The following GRIK2 variants were observed in gnomAD, a reference collection of about 807,000 sequenced individuals.
GRIK2 encodes glutamate ionotropic receptor kainate type subunit 2.
GRIK2 carries 32 observed loss-of-function variants against 100.3 expected under a neutral mutation model. The ratio of observed to expected loss-of-function variants is 0.32; its 90% CI spans 0.24 to 0.43. The LOEUF (loss-of-function observed/expected upper bound fraction) is 0.43, where lower values mean the gene tolerates loss of function less well. GRIK2 is among the 20% of genes least tolerant of loss of function. GRIK2 has a pLI of 1.00. For synonymous variants in GRIK2, 417 were observed against 389.4 expected (o/e 1.07, Z -0.83); for missense variants, 843 against 1,114.9 (o/e 0.76, Z 3.47).
At chr6:101,482,298 C>T (rs1772572718) in intron 2 of GRIK2, among the ~76,000 whole-genome samples, 1 of 152,128 alleles carries the variant, frequency 6.6e-6, no homozygotes, top group Non-Finnish European at 1.5e-5. Flanking sequence ...GAGTCATGTT[C>T]CCTCTTCTTA....
At chr6:101,841,392 C>A (rs555974571) in intron 10 of GRIK2, among the ~76,000 whole-genome samples, 37 of 147,596 alleles carry the variant, frequency 2.5e-4, no homozygotes, top group Non-Finnish European at 5.0e-4. Context: ...GGTACGGTTT[C>A]TCTCTCTGTT....
chr6:101,680,878 A>G (rs987665363), intron 5 of GRIK2, among the ~76,000 whole-genome samples: 5 of 152,204 alleles, frequency 3.3e-5, no homozygotes, highest in Non-Finnish European at 7.4e-5. Flanking sequence ...ATTGGTTTAT[A>G]TAAGTATTAC....
At chr6:101,577,760 A>C (rs969771768) in intron 2 of GRIK2, among the ~76,000 whole-genome samples, 2 of 152,184 alleles carry the variant, frequency 1.3e-5, no homozygotes, top group African/African-American at 2.4e-5. Context: ...CTCTCCTTAC[A>C]TTGCGTGAAT....
chr6:101,503,868 A>G (rs1042965811), intron 2 of GRIK2, among the ~76,000 whole-genome samples: 5 of 152,148 alleles, frequency 3.3e-5, no homozygotes, highest in African/African-American at 4.8e-5. Flanking sequence ...AGCAAACAAG[A>G]TGGTGCAGCA....
intron 2 of GRIK2, among the ~76,000 whole-genome samples, chr6:101,510,203 G>T (rs1774229296): frequency 2.0e-5 from 3 of 152,126 alleles, no homozygotes; most frequent in Admixed American, 1.3e-4. Flanking sequence ...TCCATAAAAA[G>T]TGGCTTTTGT....
chr6:101,879,842 T>C (rs1261236862), intron 11 of GRIK2, among the ~76,000 whole-genome samples: 1 of 151,768 alleles, frequency 6.6e-6, no homozygotes, highest in Non-Finnish European at 1.5e-5. Context: ...CACTTTCAAA[T>C]GGAAAGTGAG....
Position 101,870,013 on chromosome 6 carries a change from TA to T in GRIK2, c.1524+10525del, listed in dbSNP as rs574909192. Among the ~76,000 whole-genome samples the T allele has an allele frequency of 6.3e-4, 96 of 152,092 alleles. 1 individual carries two copies. Among genetic ancestry groups the T allele is most frequent in the African/African-American group, 2.2e-3 (90 of 41,480 alleles). On this transcript the variant is annotated intron_variant, in intron 11 of 16. Transcript: ENST00000369134. ...CCAGTAGGTACAGGACTTATTCAACTAAAAATTCAATTATGAATTTATGTGA... is the reference window on the plus strand; with the variant it reads ...CCAGTAGGTACAGGACTTATTCAACTAAAATTCAATTATGAATTTATGTGA...
chr6:101,801,416 C>T (rs1780660824), intron 8 of GRIK2, among the ~76,000 whole-genome samples: 1 of 151,838 alleles, frequency 6.6e-6, no homozygotes, highest in South Asian at 2.1e-4. Flanking sequence ...AATTTATTAG[C>T]TGAAAACTAA....
chr6:101,587,133 A>G (rs996489985), intron 2 of GRIK2, among the ~76,000 whole-genome samples: 2 of 152,064 alleles, frequency 1.3e-5, no homozygotes, highest in African/African-American at 4.8e-5. Flanking sequence ...TTAAAAATGA[A>G]TATGAAAGAA....
At position 101,813,138 on chromosome 6, in the gene GRIK2, CAT is replaced by C. The variant is rs375149552; in HGVS notation, c.1204-5228_1204-5227del. 1.5e-4 allele frequency among the ~76,000 whole-genome samples: 23 copies of C among 151,852 alleles called. No individual in the cohort carries two copies. The East Asian group carries it at 3.1e-3, about 20-fold the overall frequency. ...CTACATAGACATATGTAAACATCCA[CAT>C]ATACACACACACACACACACATATA... On this transcript the variant is annotated intron_variant, in intron 9 of 16. Transcript: ENST00000369134.
At chr6:101,517,522 AT>A (rs59430297) in intron 2 of GRIK2, among the ~76,000 whole-genome samples, 67 of 151,498 alleles carry the variant, frequency 4.4e-4, no homozygotes, top group Middle Eastern at 6.8e-3. Context: ...GAGATAATTA[AT>A]TTTTTTTTAG....
At chr6:101,982,373 CT>C (rs1380852904) in intron 14 of GRIK2, among the ~76,000 whole-genome samples, 4 of 151,740 alleles carry the variant, frequency 2.6e-5, no homozygotes, top group Admixed American at 6.6e-5. Flanking sequence ...CAACTCTGTG[CT>C]TTTTGTATAT....
chr6:101,577,744 C>G (rs1777857888), intron 2 of GRIK2, among the ~76,000 whole-genome samples: 1 of 151,942 alleles, frequency 6.6e-6, no homozygotes, highest in African/African-American at 2.4e-5. Flanking sequence ...AAAATATTAC[C>G]CAGGTCTCTC....
rs1000621282 is a variant in GRIK2, at chr6:101,607,676, G to A, written c.116-14273G>A. On this transcript the variant is annotated intron_variant, in intron 2 of 16. Coordinates refer to ENST00000369134, the MANE Select transcript of GRIK2 (RefSeq NM_021956.5). ...GTGTCTATTTAAAGTAGCTGATAAT[G>A]TCAGGATAACCTCATGCTAGCAAGG... Among the ~76,000 whole-genome samples, 6 of 151,894 alleles carry A rather than the reference G, an allele frequency of 4.0e-5. 1 individual carries two copies. The Admixed American group carries it at 4.0e-4, about 10-fold the overall frequency.
chr6:102,034,650 A>G (rs1273634028), intron 14 of GRIK2, among the ~76,000 whole-genome samples: 3 of 151,374 alleles, frequency 2.0e-5, no homozygotes, highest in Non-Finnish European at 4.4e-5. Flanking sequence ...GTTGGATATA[A>G]ACACTATTCA....
chr6:101,926,661 C>A (rs544184101), intron 13 of GRIK2, among the ~76,000 whole-genome samples: 24 of 152,252 alleles, frequency 1.6e-4, no homozygotes, highest in African/African-American at 5.8e-4. Flanking sequence ...CACATAACTA[C>A]GTCACTGCTG....
At chr6:101,575,569 TG>T (rs894206527) in intron 2 of GRIK2, among the ~76,000 whole-genome samples, 14 of 152,008 alleles carry the variant, frequency 9.2e-5, no homozygotes, top group African/African-American at 3.4e-4. Flanking sequence ...TCTTGCATAT[TG>T]GGTGGTTTTG....
intron 10 of GRIK2, among the ~76,000 whole-genome samples, chr6:101,842,526 C>T (rs1783577108): frequency 6.6e-6 from 1 of 152,100 alleles, no homozygotes; most frequent in South Asian, 2.1e-4. Flanking sequence ...TCTCTGTCCT[C>T]AACTAGATTA....
At chr6:101,970,949 G>A (rs1793010608) in intron 14 of GRIK2, among the ~76,000 whole-genome samples, 1 of 150,732 alleles carries the variant, frequency 6.6e-6, no homozygotes, top group Admixed American at 6.6e-5. Flanking sequence ...TTTTATAAGG[G>A]CAAATATGAT....
Sources: gnomAD v4.1 joint callset for allele counts (sites outside exome capture counted in the v4.1 genomes callset) on GRCh38, gnomAD v4.1.1 for gene constraint, MANE v1.5 for transcripts, NCBI Gene and HGNC (gene_info 2026-07-23, HGNC 2026-07-21) for gene names.